ABHD12: variants seen among roughly 807,000 people sequenced by gnomAD.
ABHD12 encodes the protein abhydrolase domain containing 12, lysophospholipase.
ABHD12 carries 43 observed loss-of-function variants against 58.3 expected under a neutral mutation model. The observed-to-expected ratio is 0.74, with a 90% CI of 0.58 to 0.95. ABHD12 has a LOEUF of 0.95. Ranked by LOEUF, ABHD12 falls within the 40% of genes least tolerant of loss-of-function variation. The pLI, the probability that ABHD12 is intolerant of heterozygous loss-of-function variation, is 0.00. For synonymous variants in ABHD12, 219 were observed against 211.2 expected, an observed-to-expected ratio of 1.04 and a Z score of -0.32; for missense variants, 539 against 537.2, an observed-to-expected ratio of 1.00 and a Z score of -0.03.
At chr20:25,354,606 G>C (rs2146072352) in intron 1 of ABHD12, among the ~76,000 whole-genome samples, 1 of 152,254 alleles carries the variant, frequency 6.6e-6, no homozygotes, top group Admixed American at 6.5e-5. Context: ...CTTTCCTGAT[G>C]GCCATGATGA....
At chr20:25,369,640 G>A (rs117006574) in intron 1 of ABHD12, among the ~76,000 whole-genome samples, 1 of 152,176 alleles carries the variant, frequency 6.6e-6, no homozygotes, top group Admixed American at 6.5e-5. Context: ...GTTCAAGAGG[G>A]TAAGATCCCA....
downstream of ABHD12, among the ~76,000 whole-genome samples, chr20:25,299,258 G>A (rs1409992458): frequency 3.3e-5 from 5 of 152,198 alleles, no homozygotes; most frequent in South Asian, 4.1e-4. Flanking sequence ...TTAGCTGGGC[G>A]TGGTGGCACG....
At chr20:25,365,913 G>A (rs1413599724) in intron 1 of ABHD12, among the ~76,000 whole-genome samples, 1 of 152,064 alleles carries the variant, frequency 6.6e-6, no homozygotes, top group Non-Finnish European at 1.5e-5. Flanking sequence ...GGTGGTGTGT[G>A]CCTATACTCC....
chr20:25,378,974 A>C (rs912225101), intron 1 of ABHD12, among the ~76,000 whole-genome samples: 9 of 152,192 alleles, frequency 5.9e-5, no homozygotes, highest in African/African-American at 2.2e-4. Flanking sequence ...ATGAAGATTA[A>C]TTCTATTTAA....
At chr20:25,316,808 A>C (rs1354191645) in intron 5 of ABHD12, among the ~76,000 whole-genome samples, 1 of 152,198 alleles carries the variant, frequency 6.6e-6, no homozygotes, top group Admixed American at 6.5e-5. Flanking sequence ...GGCGGCATGC[A>C]CCTGCAGTCT....
intron 1 of ABHD12, among the ~76,000 whole-genome samples, chr20:25,346,351 T>C (rs533966496): frequency 6.6e-6 from 1 of 152,304 alleles, no homozygotes; most frequent in East Asian, 1.9e-4. Context: ...AACACAGATT[T>C]CTAGGGCAGT....
chr20:25,385,675 C>G (rs2090079785), intron 1 of ABHD12, among the ~76,000 whole-genome samples: 1 of 140,504 alleles, frequency 7.1e-6, no homozygotes, highest in African/African-American at 2.8e-5. Context: ...CAAGACCTGC[C>G]TGTACCAAAA....
rs1021782132 is a variant in ABHD12, at chr20:25,303,631, G to A, written c.951-3C>T. 9.3e-6 allele frequency: 15 copies of A among 1,613,464 alleles called. No homozygotes were observed. The highest frequency in any genetic ancestry group is 2.7e-5 in the African/African-American group (2 of 74,936). On this transcript the variant is annotated splice_polypyrimidine_tract_variant and splice_region_variant and intron_variant, in intron 10 of 12. Coordinates refer to ENST00000339157, the MANE Select transcript of ABHD12 (RefSeq NM_001042472.3). The stretch of plus-strand genomic sequence containing the variant: ...GGGGACAGGAGATGTGCTTCACGCT[G>A]TAGGAGGGAGAAGGGGCTAGACCAA...
At chr20:25,324,172 G>A (rs1384141732) in intron 2 of ABHD12, among the ~76,000 whole-genome samples, 1 of 152,184 alleles carries the variant, frequency 6.6e-6, no homozygotes, top group Non-Finnish European at 1.5e-5. Context: ...TAGACCTGGA[G>A]GAACCTCCAG....
downstream of ABHD12, chr20:25,300,186 C>G: frequency 1.0e-6 from 1 of 992,072 alleles, no homozygotes; most frequent in Non-Finnish European, 1.2e-6. Context: ...GCAACATTGA[C>G]CCTTCTCGCG....
intron 1 of ABHD12, among the ~76,000 whole-genome samples, chr20:25,368,978 C>G (rs2089862888): frequency 6.6e-6 from 1 of 152,072 alleles, no homozygotes; most frequent in Non-Finnish European, 1.5e-5. Flanking sequence ...AAAAACCTAG[C>G]CAGGTGTAGT....
intron 1 of ABHD12, among the ~76,000 whole-genome samples, chr20:25,385,058 C>A (rs1268611867): frequency 1.3e-5 from 2 of 152,080 alleles, no homozygotes; most frequent in Non-Finnish European, 2.9e-5. Flanking sequence ...AAAAAGCAGG[C>A]CAGGCGCGGT....
In ABHD12 at chr20:25,339,262, G is replaced by A. The variant is rs546873766; in HGVS notation, c.281C>T (p.Pro94Leu). ...IAIPFLIKLC[P>L]GIQAKLIFLN... ...GAAAATCAGTTTGGCCTGTATTCCA[G>A]GACATAGTTTGATGAGAAATGGAAT... The change falls in exon 2 of 13, where the codon CCT becomes CTT. Residue 94 changes from proline to leucine, a missense_variant. Transcript: ENST00000339157. 6.2e-7 allele frequency: 1 copy of A among 1,614,098 alleles called. No individual in the cohort carries two copies. The highest frequency in any genetic ancestry group is 2.2e-5 in the East Asian group (1 of 44,864).
At chr20:25,361,613 T>C (rs1245994903) in intron 1 of ABHD12, among the ~76,000 whole-genome samples, 2 of 152,242 alleles carry the variant, frequency 1.3e-5, no homozygotes, top group East Asian at 1.9e-4. Context: ...AGCTGGTTAC[T>C]GGTATATAAG....
chr20:25,307,929 T>C (rs748457154), intron 9 of ABHD12, 37 bp downstream of exon 9: 1 of 1,110,490 alleles, frequency 9.0e-7, no homozygotes, highest in Non-Finnish European at 1.4e-6. Context: ...TTTATCTTAA[T>C]AATGAAAAGT....
intron 1 of ABHD12, among the ~76,000 whole-genome samples, chr20:25,362,438 G>A (rs2089762458): frequency 6.6e-6 from 1 of 151,708 alleles, no homozygotes; most frequent in African/African-American, 2.4e-5. Flanking sequence ...GTGGTGGCGG[G>A]TGCCTATAAT....
chr20:25,316,990 A>C, intron 5 of ABHD12, 58 bp downstream of exon 5: 1 of 1,526,528 alleles, frequency 6.6e-7, no homozygotes, highest in Non-Finnish European at 9.1e-7. Context: ...GACTCCCTTC[A>C]CTTCCTGCCC....
At chr20:25,321,011 T>C (rs924547695) in intron 3 of ABHD12, among the ~76,000 whole-genome samples, 6 of 152,228 alleles carry the variant, frequency 3.9e-5, no homozygotes, top group Non-Finnish European at 7.3e-5. Flanking sequence ...CTGTAAAGCT[T>C]ATTCAAATTC....
intron 12 of ABHD12, chr20:25,295,063 A>G (rs2088519276): frequency 5.6e-6 from 9 of 1,607,554 alleles, no homozygotes; most frequent in Non-Finnish European, 7.7e-6. Context: ...AAAATTGTGA[A>G]CTCTGCATTT....
Sources: gnomAD v4.1 joint callset for allele counts (sites outside exome capture counted in the v4.1 genomes callset) on GRCh38, gnomAD v4.1.1 for gene constraint, MANE v1.5 for transcripts, NCBI Gene and HGNC (gene_info 2026-07-23, HGNC 2026-07-21) for gene names.